KANSL3: variants seen among roughly 807,000 people sequenced by gnomAD.
KANSL3 encodes the protein NSL complex protein NSL3.
A neutral mutation model predicts 89.2 loss-of-function variants in KANSL3; 16 were observed. The ratio of observed to expected loss-of-function variants is 0.18; its 90% CI spans 0.12 to 0.27. KANSL3 has a LOEUF of 0.27. Among genes scored for constraint, KANSL3 ranks in the 10% least tolerant of loss-of-function variants. KANSL3 has a pLI of 1.00. For synonymous variants in KANSL3, 385 were observed against 419.7 expected, an observed-to-expected ratio of 0.92 and a Z score of 1.01; for missense variants, 879 against 1,110.6, an observed-to-expected ratio of 0.79 and a Z score of 2.96.
At chr2:96,629,600 G>T (rs551044530) in intron 3 of KANSL3, among the ~76,000 whole-genome samples, 6 of 152,222 alleles carry the variant, frequency 3.9e-5, no homozygotes, top group Non-Finnish European at 8.8e-5. Context: ...GGGATTACAG[G>T]CGTGAGAAAA....
intron 3 of KANSL3, among the ~76,000 whole-genome samples, chr2:96,621,817 T>C (rs1032698410): frequency 4.6e-5 from 7 of 151,868 alleles, no homozygotes; most frequent in African/African-American, 1.5e-4. Context: ...AAGTCAACTC[T>C]ACTTCAAAAT....
At chr2:96,600,319 G>A (rs1000450679) in intron 20 of KANSL3, 18 of 570,798 alleles carry the variant, frequency 3.2e-5, no homozygotes, top group African/African-American at 1.0e-4. Flanking sequence ...GTAGCATCAT[G>A]GGAAACTTTC....
At chr2:96,621,891 G>A (rs937972218) in intron 3 of KANSL3, among the ~76,000 whole-genome samples, 2 of 152,226 alleles carry the variant, frequency 1.3e-5, no homozygotes, top group African/African-American at 2.4e-5. Flanking sequence ...CAAGGCAGGC[G>A]GATCACAAGG....
intron 20 of KANSL3, among the ~76,000 whole-genome samples, chr2:96,597,751 C>T (rs965776687): frequency 4.6e-5 from 7 of 151,988 alleles, no homozygotes; most frequent in African/African-American, 9.7e-5. Flanking sequence ...TACAGGTGCA[C>T]GCCACCACAT....
chr2:96,621,504 ACT>A (rs2071266345), intron 3 of KANSL3, among the ~76,000 whole-genome samples: 1 of 150,104 alleles, frequency 6.7e-6, no homozygotes, highest in African/African-American at 2.5e-5. Flanking sequence ...ACAGAGTGAG[ACT>A]CTGTCTTGAA....
chr2:96,602,661 T>C lies in KANSL3; in HGVS notation c.2259+92A>G, dbSNP rs560144043. 6 of 987,700 alleles carry C rather than the reference T, an allele frequency of 6.1e-6. No homozygotes were observed. The East Asian group carries it at 1.5e-4, about 24-fold the overall frequency. 61.2% of individuals were successfully genotyped at this position (987,700 alleles called of 1,614,324 possible). On this transcript the variant is annotated intron_variant, in intron 18 of 20. Coordinates refer to ENST00000431828, the MANE Select transcript of KANSL3 (RefSeq NM_001115016.3). ...AGAAGGCTGTTTGTCCTTGATCCAC[T>C]GACTCCAGACCTAGTTTCCCTGCCA...
chr2:96,610,974 G>A lies in KANSL3; in HGVS notation c.1161+90C>T, dbSNP rs1042165948. 1.1e-5 allele frequency: 18 copies of A among 1,573,392 alleles called. No homozygotes were observed. The African/African-American group carries it at 1.8e-4, about 15-fold the overall frequency. On this transcript the variant is annotated intron_variant, in intron 10 of 20. Transcript: ENST00000431828. ...ACTAAGGAGGATCAGCCATGCAACT[G>A]CAGTCAGCCTCAGCATCAGCTTGGA... is the stretch of plus-strand genomic sequence containing the variant.
At chr2:96,605,688 G>A (rs1208390115) in intron 14 of KANSL3, 177 bp from the exon 15 acceptor site, 4 of 500,304 alleles carry the variant, frequency 8.0e-6, no homozygotes, top group Non-Finnish European at 1.4e-5. Context: ...CTTCACTCAG[G>A]CCCTGTCCGT....
intron 14 of KANSL3, among the ~76,000 whole-genome samples, chr2:96,607,216 T>C (rs186847376): frequency 4.8e-4 from 73 of 152,312 alleles, no homozygotes; most frequent in Admixed American, 9.2e-4. Context: ...CATCTAAAAC[T>C]GAATAGTACT....
At chr2:96,607,184 C>T in intron 14 of KANSL3, 1 of 418,838 alleles carries the variant, frequency 2.4e-6, no homozygotes, top group Non-Finnish European at 4.5e-6. Flanking sequence ...CCTGACTCTG[C>T]CACGGAGTCA....
rs775089756 is a variant in KANSL3 at position 96,634,511 on chromosome 2, C to CA, written c.215+2409dup. Among the ~76,000 whole-genome samples the CA allele has an allele frequency of 5.9e-3, 674 of 114,910 alleles. 6 individuals carry two copies. Among genetic ancestry groups the CA allele is most frequent in the East Asian group, 0.037 (148 of 3,948 alleles). 75.4% of individuals were successfully genotyped at this position (114,910 alleles called of 152,430 possible). On this transcript the variant is annotated intron_variant, in intron 2 of 20. Coordinates refer to ENST00000431828, the MANE Select transcript of KANSL3 (RefSeq NM_001115016.3). ...AGCCTGGGCAACAGAGACTCCGTCT[C>CA]AAAAAAAAAAAAAAAGAAAGTAAGA... is the stretch of plus-strand genomic sequence containing the variant.
At chr2:96,633,042 A>G (rs2073691136) in intron 2 of KANSL3, among the ~76,000 whole-genome samples, 1 of 151,176 alleles carries the variant, frequency 6.6e-6, no homozygotes, top group South Asian at 2.1e-4. Context: ...GCACTTTGGG[A>G]GGCCAAGGTG....
intron 3 of KANSL3, among the ~76,000 whole-genome samples, chr2:96,624,597 C>T (rs2071951205): frequency 6.6e-6 from 1 of 152,172 alleles, no homozygotes; most frequent in African/African-American, 2.4e-5. Flanking sequence ...TCTCGGCTCA[C>T]TGTAACCTCT....
At chr2:96,613,115 A>C (rs192200129) in intron 6 of KANSL3, among the ~76,000 whole-genome samples, 181 bp from the exon 7 acceptor site, 1 of 152,358 alleles carries the variant, frequency 6.6e-6, no homozygotes, top group Non-Finnish European at 1.5e-5. Flanking sequence ...ATGCTGGCTC[A>C]CACCTGCAAT....
At position 96,619,394 on chromosome 2, in the gene KANSL3, C is replaced by T. The variant is rs753932741; in HGVS notation, c.628G>A (p.Ala210Thr). The T allele has an allele frequency of 6.2e-7, 1 of 1,613,394 alleles. No individual in the cohort carries two copies. The highest frequency in any genetic ancestry group is 2.2e-5 in the East Asian group (1 of 44,870). Residue 210 changes from alanine to threonine, a missense_variant, in exon 5 of 21, where the codon GCC (alanine) becomes ACC (threonine). By Grantham distance (58) the Ala-to-Thr change is moderately conservative. Transcript: ENST00000431828. ...VETLSLPMLA[A>T]YLDALQTLKG... is the part of the protein sequence containing the mutation. ...AGCGTCTGCAAAGCATCCAGGTAGG[C>T]TGCCAGCATGGGCAGACTCAAGGTC...
At chr2:96,586,987 T>G in the KANSL3 span, among the ~76,000 whole-genome samples, 2 of 152,272 alleles carry the variant, frequency 1.3e-5, no homozygotes. Context: ...TATCAGTATC[T>G]GACCAACCAT....
At chr2:96,582,691 G>T in the KANSL3 span, among the ~76,000 whole-genome samples, 1 of 152,180 alleles carries the variant, frequency 6.6e-6, no homozygotes, top group Non-Finnish European at 1.5e-5. Flanking sequence ...TCTTGAGCAT[G>T]GGTAATATTT....
intron 3 of KANSL3, among the ~76,000 whole-genome samples, chr2:96,620,993 C>G (rs1246322784): frequency 6.6e-6 from 1 of 151,812 alleles, no homozygotes; most frequent in Non-Finnish European, 1.5e-5. Context: ...ACAGTGAGGC[C>G]TTGTCTCAAA....
At chr2:96,617,613 C>A (rs1259212911) in intron 5 of KANSL3, among the ~76,000 whole-genome samples, 3 of 150,478 alleles carry the variant, frequency 2.0e-5, no homozygotes, top group Admixed American at 6.6e-5. Context: ...GTAATCCCAG[C>A]AATTTGGGAG....
Sources: gnomAD v4.1 joint callset for allele counts (sites outside exome capture counted in the v4.1 genomes callset) on GRCh38, gnomAD v4.1.1 for gene constraint, MANE v1.5 for transcripts, NCBI Gene and HGNC (gene_info 2026-07-23, HGNC 2026-07-21) for gene names.